The following KCNJ6 variants were observed in gnomAD, a reference collection of about 807,000 sequenced individuals.
KCNJ6 encodes G protein-activated inward rectifier potassium channel 2.
Under a neutral mutation model 34.2 loss-of-function variants are expected in KCNJ6, and 9 were observed. That is an observed-to-expected ratio of 0.26 (90% CI 0.16 to 0.46). The LOEUF is 0.46. Ranked by LOEUF, KCNJ6 falls within the 20% of genes least tolerant of loss-of-function variation. KCNJ6 has a pLI of 1.00. For synonymous variants in KCNJ6, 196 were observed against 207.1 expected, an observed-to-expected ratio of 0.95 and a Z score of 0.46; for missense variants, 236 against 531.3, an observed-to-expected ratio of 0.44 and a Z score of 5.46.
At chr21:37,698,472 A>T (rs1236052999) in intron 3 of KCNJ6, among the ~76,000 whole-genome samples, 1 of 152,220 alleles carries the variant, frequency 6.6e-6, no homozygotes, top group African/African-American at 2.4e-5. Context: ...ATATGATTCC[A>T]TTCCATATTG....
At chr21:37,732,684 G>A (rs1191359318) in intron 2 of KCNJ6, among the ~76,000 whole-genome samples, 2 of 152,148 alleles carry the variant, frequency 1.3e-5, no homozygotes, top group Admixed American at 6.5e-5. Flanking sequence ...CACATTAGCC[G>A]GAGTTCCAAT....
At chr21:37,793,837 C>T (rs2055228819) in intron 2 of KCNJ6, among the ~76,000 whole-genome samples, 1 of 152,184 alleles carries the variant, frequency 6.6e-6, no homozygotes, top group South Asian at 2.1e-4. Context: ...GCCTAACTCA[C>T]CATGTGAAGT....
In KCNJ6 at chr21:37,676,964, T is replaced by C. The variant is rs146361460; in HGVS notation, c.946+37247A>G. 1.1e-4 allele frequency among the ~76,000 whole-genome samples: 17 copies of C among 152,340 alleles called. No individual in the cohort carries two copies. The East Asian group carries it at 3.1e-3, about 28-fold the overall frequency. On this transcript the variant is annotated intron_variant, in intron 3 of 3. Coordinates refer to ENST00000609713, the MANE Select transcript of KCNJ6 (RefSeq NM_002240.5). ...ACCTCCACCAGTCCCCATTGGGACC[T>C]GAGACCTTATTAGGAGTGACTACAG...
At chr21:37,782,019 G>A (rs529620638) in intron 2 of KCNJ6, among the ~76,000 whole-genome samples, 3 of 152,188 alleles carry the variant, frequency 2.0e-5, no homozygotes, top group Non-Finnish European at 4.4e-5. Context: ...CCTTGAGAAG[G>A]GGAGATTATC....
At chr21:37,661,351 C>T (rs1303218398) in intron 3 of KCNJ6, among the ~76,000 whole-genome samples, 1 of 152,138 alleles carries the variant, frequency 6.6e-6, no homozygotes, top group East Asian at 1.9e-4. Flanking sequence ...TTTAAAATAA[C>T]TTTCCATGAT....
intron 3 of KCNJ6, among the ~76,000 whole-genome samples, chr21:37,655,178 TTTGTGTGTGTGTGTGTGTGTG>T (rs1205069427): frequency 1.5e-4 from 12 of 78,036 alleles, no homozygotes; most frequent in South Asian, 6.2e-4. Context: ...ACTCTAGACA[TTTGTGTGTGTGTGTGTGTGTG>T]TGTGTGTGTG....
intron 2 of KCNJ6, among the ~76,000 whole-genome samples, chr21:37,739,812 G>A (rs964892008): frequency 2.0e-5 from 3 of 151,982 alleles, no homozygotes; most frequent in Non-Finnish European, 4.4e-5. Flanking sequence ...TTACAAATGG[G>A]AAAAGTGAAC....
intron 1 of KCNJ6, among the ~76,000 whole-genome samples, chr21:37,859,255 T>C (rs1164306768): frequency 1.3e-5 from 2 of 151,738 alleles, no homozygotes; most frequent in African/African-American, 4.8e-5. Context: ...AGAGAATATA[T>C]GGTAGTGTTC....
At position 37,769,061 on chromosome 21, in the gene KCNJ6, T is replaced by C. The variant is rs74577281; in HGVS notation, c.26-53930A>G. 3.0e-3 allele frequency among the ~76,000 whole-genome samples: 455 copies of C among 152,260 alleles called. 1 individual carries two copies. Among genetic ancestry groups the C allele is most frequent in the Middle Eastern group, 6.8e-3 (2 of 294 alleles). ...CACGCATGGTAACTGATTGAACCAG[T>C]TGAATTTTGGATAGAGACATTGTTC... On this transcript the variant is annotated intron_variant, in intron 2 of 3. Transcript: ENST00000609713.
intron 2 of KCNJ6, among the ~76,000 whole-genome samples, chr21:37,801,227 T>A (rs2123532078): frequency 6.6e-6 from 1 of 152,274 alleles, no homozygotes; most frequent in Non-Finnish European, 1.5e-5. Context: ...CAGCCCCGAT[T>A]TTTGGCTTCA....
chr21:37,737,004 G>C (rs759852262), intron 2 of KCNJ6, among the ~76,000 whole-genome samples: 1 of 152,186 alleles, frequency 6.6e-6, no homozygotes, highest in African/African-American at 2.4e-5. Context: ...AACAAATTAC[G>C]TTGGGGGCAC....
intron 1 of KCNJ6, among the ~76,000 whole-genome samples, chr21:37,904,309 T>C (rs1257570068): frequency 6.6e-6 from 1 of 152,156 alleles, no homozygotes; most frequent in Non-Finnish European, 1.5e-5. Context: ...GAGAGCTGAA[T>C]CTCACAAAAG....
chr21:37,724,926 T>G (rs1452835526), intron 2 of KCNJ6, among the ~76,000 whole-genome samples: 1 of 152,014 alleles, frequency 6.6e-6, no homozygotes, highest in East Asian at 1.9e-4. Flanking sequence ...ACTACAGAAG[T>G]GTAAGATGTC....
At chr21:37,809,438 A>G (rs1030393676) in intron 2 of KCNJ6, among the ~76,000 whole-genome samples, 88 of 152,142 alleles carry the variant, frequency 5.8e-4, no homozygotes, top group African/African-American at 1.8e-3. Flanking sequence ...TGACGAGTTA[A>G]TGGGTGCAGC....
chr21:37,656,670 C>G (rs1016990645), intron 3 of KCNJ6, among the ~76,000 whole-genome samples: 3 of 152,208 alleles, frequency 2.0e-5, no homozygotes, highest in African/African-American at 7.2e-5. Context: ...TTTCCCCGGC[C>G]TGCCTGAGCT....
chr21:37,892,380 T>G (rs1194669672), intron 1 of KCNJ6, among the ~76,000 whole-genome samples: 36 of 152,230 alleles, frequency 2.4e-4, no homozygotes, highest in Admixed American at 2.4e-3. Flanking sequence ...TACAAAATAT[T>G]TCAAGCATTC....
At chr21:37,696,371 T>C (rs1314191117) in intron 3 of KCNJ6, among the ~76,000 whole-genome samples, 1 of 152,210 alleles carries the variant, frequency 6.6e-6, no homozygotes, top group African/African-American at 2.4e-5. Flanking sequence ...TGCCTCCTGA[T>C]ATAATGCACT....
intron 3 of KCNJ6, among the ~76,000 whole-genome samples, chr21:37,677,757 C>A (rs1325888809): frequency 6.6e-6 from 1 of 151,880 alleles, no homozygotes; most frequent in Non-Finnish European, 1.5e-5. Flanking sequence ...CCCACCCACA[C>A]ACCAAACCAT....
At chr21:37,648,692 C>T (rs1037568222) in intron 3 of KCNJ6, among the ~76,000 whole-genome samples, 1 of 152,128 alleles carries the variant, frequency 6.6e-6, no homozygotes, top group African/African-American at 2.4e-5. Context: ...AGTGTGGATG[C>T]CACCTGACAA....
Sources: gnomAD v4.1 joint callset for allele counts (sites outside exome capture counted in the v4.1 genomes callset) on GRCh38, gnomAD v4.1.1 for gene constraint, MANE v1.5 for transcripts, NCBI Gene and HGNC (gene_info 2026-07-23, HGNC 2026-07-21) for gene names.